LPAR1: variants seen among roughly 807,000 people sequenced by gnomAD.
LPAR1 encodes the protein lysophosphatidic acid receptor 1.
In LPAR1, 5 loss-of-function variants were observed where a neutral mutation model predicts 23.8. The observed-to-expected ratio is 0.21, with a 90% CI of 0.11 to 0.44. The LOEUF (loss-of-function observed/expected upper bound fraction) is 0.44, where lower values mean the gene tolerates loss of function less well. Ranked by LOEUF, LPAR1 falls within the 20% of genes least tolerant of loss-of-function variation. The pLI is 0.99. For synonymous variants in LPAR1, 160 were observed against 164.7 expected, an observed-to-expected ratio of 0.97 and a Z score of 0.22; for missense variants, 311 against 482.8, an observed-to-expected ratio of 0.64 and a Z score of 3.33.
intron 2 of LPAR1, among the ~76,000 whole-genome samples, chr9:111,028,132 AT>A (rs564873913): frequency 0.025 from 3,635 of 144,388 alleles, 51 homozygotes; most frequent in African/African-American, 0.05. Flanking sequence ...TGGAATAAGA[AT>A]TTTTTTTTTT....
intron 5 of LPAR1, among the ~76,000 whole-genome samples, chr9:110,918,900 A>G (rs1364937219): frequency 6.6e-6 from 1 of 150,760 alleles, no homozygotes; most frequent in Non-Finnish European, 1.5e-5. Flanking sequence ...TTTTTTTTCC[A>G]TCTGTACTCA....
At position 110,974,626 on chromosome 9, in the gene LPAR1, C is replaced by T. The variant is rs556455397; in HGVS notation, c.-181-1068G>A. On this transcript the variant is annotated intron_variant, in intron 2 of 5. Coordinates refer to ENST00000683809, the MANE Select transcript of LPAR1 (RefSeq NM_001351411.2). ...CCATTACAGCAATTATTTTCATTCA[C>T]AAATAAGTAGTAAAGTTCTCAAGTT... Among the ~76,000 whole-genome samples the T allele has an allele frequency of 1.6e-4, 24 of 152,266 alleles. No homozygotes were observed. In the East Asian group the frequency reaches 4.6e-3, roughly 29 times the overall value.
At chr9:111,011,246 T>C (rs1458985881) in intron 2 of LPAR1, among the ~76,000 whole-genome samples, 1 of 152,220 alleles carries the variant, frequency 6.6e-6, no homozygotes, top group Non-Finnish European at 1.5e-5. Flanking sequence ...CTATTTTAAG[T>C]ATGTTGTTCA....
chr9:110,928,822 CT>C (rs1269471357), intron 5 of LPAR1, among the ~76,000 whole-genome samples: 1 of 152,198 alleles, frequency 6.6e-6, no homozygotes, highest in Non-Finnish European at 1.5e-5. Context: ...ACAGCAAAAC[CT>C]TCTGGACTGT....
intron 5 of LPAR1, among the ~76,000 whole-genome samples, chr9:110,938,327 C>A (rs186516653): frequency 6.6e-6 from 1 of 152,156 alleles, no homozygotes; most frequent in Non-Finnish European, 1.5e-5. Context: ...AGTGGGAGAC[C>A]AGCAGGACTT....
chr9:110,887,643 C>T (rs1412610764), intron 5 of LPAR1, among the ~76,000 whole-genome samples: 1 of 152,238 alleles, frequency 6.6e-6, no homozygotes, highest in Non-Finnish European at 1.5e-5. Flanking sequence ...GTGGGTGCTT[C>T]GGCTACAGAA....
At chr9:110,898,091 T>C (rs563415966) in intron 5 of LPAR1, among the ~76,000 whole-genome samples, 1 of 152,364 alleles carries the variant, frequency 6.6e-6, no homozygotes, top group Non-Finnish European at 1.5e-5. Flanking sequence ...GACTCATTTC[T>C]GTGACATTGG....
At chr9:111,009,800 T>A (rs1040874880) in intron 2 of LPAR1, among the ~76,000 whole-genome samples, 7 of 151,738 alleles carry the variant, frequency 4.6e-5, no homozygotes, top group Non-Finnish European at 8.8e-5. Flanking sequence ...TTTTTACCTA[T>A]AATTTCTAAT....
At chr9:110,891,145 C>T (rs900985106) in intron 5 of LPAR1, among the ~76,000 whole-genome samples, 1 of 152,002 alleles carries the variant, frequency 6.6e-6, no homozygotes, top group South Asian at 2.1e-4. Context: ...AATAGAAAAA[C>T]TAAAATACCT....
intron 2 of LPAR1, among the ~76,000 whole-genome samples, chr9:110,977,738 T>C (rs2096580907): frequency 6.6e-6 from 1 of 150,700 alleles, no homozygotes; most frequent in African/African-American, 2.4e-5. Flanking sequence ...AACTGCATGT[T>C]CTGCACATGT....
intron 4 of LPAR1, among the ~76,000 whole-genome samples, chr9:110,948,782 A>G (rs1298870337): frequency 6.6e-6 from 1 of 152,164 alleles, no homozygotes; most frequent in Non-Finnish European, 1.5e-5. Flanking sequence ...GATCATGAGG[A>G]CAGGGCTTTA....
At chr9:110,943,880 A>G (rs1183363434) in intron 4 of LPAR1, among the ~76,000 whole-genome samples, 1 of 151,980 alleles carries the variant, frequency 6.6e-6, no homozygotes, top group Non-Finnish European at 1.5e-5. Flanking sequence ...AAAAAAAAAA[A>G]AAAGACAAAG....
chr9:110,886,913 A>G (rs1296383068), intron 5 of LPAR1, among the ~76,000 whole-genome samples: 2 of 152,220 alleles, frequency 1.3e-5, no homozygotes, highest in Non-Finnish European at 2.9e-5. Flanking sequence ...ACTGTGGTCC[A>G]ACTGTTACTA....
chr9:111,009,534 A>C lies in LPAR1; in HGVS notation c.-182+26588T>G, dbSNP rs575387070. Among the ~76,000 whole-genome samples the C allele has an allele frequency of 2.0e-5, 3 of 152,254 alleles. No individual in the cohort carries two copies. In the East Asian group the frequency reaches 5.8e-4, roughly 29 times the overall value. On this transcript the variant is annotated intron_variant, in intron 2 of 5. Transcript: ENST00000683809. The stretch of plus-strand genomic sequence containing the variant: ...GGGGTTTACAGACATAAGTGTACAT[A>C]TTTGGAAGAATTGGTAAAAATGATT...
chr9:110,933,120 C>A (rs1034950429), intron 5 of LPAR1, among the ~76,000 whole-genome samples: 1 of 152,140 alleles, frequency 6.6e-6, no homozygotes, highest in African/African-American at 2.4e-5. Context: ...TGAGGCTCAA[C>A]AAGTAGGGTG....
intron 4 of LPAR1, among the ~76,000 whole-genome samples, chr9:110,956,509 A>AAAG (rs71371697): frequency 0.45 from 68,706 of 151,400 alleles, 15,858 homozygotes; most frequent in East Asian, 0.81. Flanking sequence ...AGGATCAACC[A>AAAG]AAGAAGTTAG....
intron 2 of LPAR1, among the ~76,000 whole-genome samples, chr9:110,978,987 T>C (rs1239586912): frequency 2.6e-5 from 4 of 152,062 alleles, no homozygotes; most frequent in Admixed American, 2.0e-4. Flanking sequence ...AGGAGATCTA[T>C]TGCAGTTAGG....
intron 4 of LPAR1, among the ~76,000 whole-genome samples, chr9:110,962,192 A>C (rs1254929786): frequency 4.6e-5 from 7 of 152,202 alleles, no homozygotes; most frequent in Admixed American, 1.3e-4. Context: ...TGGGATCTAC[A>C]TCTGACCATG....
At chr9:110,908,747 G>A (rs373910012) in intron 5 of LPAR1, among the ~76,000 whole-genome samples, 1 of 152,148 alleles carries the variant, frequency 6.6e-6, no homozygotes, top group Non-Finnish European at 1.5e-5. Flanking sequence ...AAGGGAAAGG[G>A]CAGGTGTGAC....
Sources: gnomAD v4.1 joint callset for allele counts (sites outside exome capture counted in the v4.1 genomes callset) on GRCh38, gnomAD v4.1.1 for gene constraint, MANE v1.5 for transcripts, NCBI Gene and HGNC (gene_info 2026-07-23, HGNC 2026-07-21) for gene names.